Variants in DAB1 observed in about 807,000 individuals in gnomAD.
The protein encoded by DAB1 is disabled homolog 1.
DAB1 carries 15 observed loss-of-function variants against 64.6 expected under a neutral mutation model. The observed-to-expected ratio is 0.23, with a 90% confidence interval of 0.16 to 0.36. The LOEUF is 0.36. Among genes scored for constraint, DAB1 ranks in the 10% least tolerant of loss-of-function variants. DAB1 has a pLI of 1.00. For missense variants in DAB1, 596 were observed against 706.7 expected (o/e 0.84, Z 1.78); for synonymous variants, 235 against 251.9 (o/e 0.93, Z 0.64).
chr1:58,473,229 G>C (rs1240712230), intron 3 of DAB1, among the ~76,000 whole-genome samples: 1 of 152,062 alleles, frequency 6.6e-6, no homozygotes, highest in Admixed American at 6.6e-5. Flanking sequence ...AGACTCTCTG[G>C]GCTCAATTTC....
At chr1:57,705,622 A>T (rs1646957821) in intron 6 of DAB1, among the ~76,000 whole-genome samples, 1 of 152,098 alleles carries the variant, frequency 6.6e-6, no homozygotes, top group East Asian at 1.9e-4. Context: ...AGCTCTCCCT[A>T]CCCCTAAGCA....
chr1:57,425,888 T>C (rs1016056105), upstream of DAB1, among the ~76,000 whole-genome samples: 2 of 152,136 alleles, frequency 1.3e-5, no homozygotes, highest in African/African-American at 4.8e-5. Context: ...GTGTAGGAAG[T>C]TCAGGCTTAC....
At chr1:57,797,068 G>C (rs1207577531) in intron 6 of DAB1, among the ~76,000 whole-genome samples, 1 of 152,164 alleles carries the variant, frequency 6.6e-6, no homozygotes, top group Non-Finnish European at 1.5e-5. Flanking sequence ...AGGAATGAAT[G>C]AAAATAAAAA....
At chr1:58,354,863 G>A (rs1644095225) in intron 3 of DAB1, among the ~76,000 whole-genome samples, 1 of 152,106 alleles carries the variant, frequency 6.6e-6, no homozygotes, top group Admixed American at 6.6e-5. Flanking sequence ...AGAAAACCAA[G>A]GCTCATAAAC....
At chr1:57,562,691 C>G (rs1345677345) in intron 7 of DAB1, among the ~76,000 whole-genome samples, 1 of 152,218 alleles carries the variant, frequency 6.6e-6, no homozygotes, top group Non-Finnish European at 1.5e-5. Context: ...TAGTGATCCA[C>G]TAGCAAAATT....
intron 6 of DAB1, among the ~76,000 whole-genome samples, chr1:57,733,930 T>C (rs894051238): frequency 2.0e-5 from 3 of 152,014 alleles, no homozygotes; most frequent in South Asian, 4.2e-4. Flanking sequence ...GAAATTATCT[T>C]AGGAGTTCAG....
intron 3 of DAB1, among the ~76,000 whole-genome samples, chr1:58,375,971 G>T (rs1427638906): frequency 2.0e-5 from 3 of 148,708 alleles, no homozygotes; most frequent in Admixed American, 1.3e-4. Flanking sequence ...TATTTGCGTA[G>T]AGGTGTTTGC....
intron 6 of DAB1, among the ~76,000 whole-genome samples, chr1:57,705,081 ACCTTTATATTAC>A (rs1440876017): frequency 3.3e-5 from 5 of 152,154 alleles, no homozygotes; most frequent in Non-Finnish European, 7.3e-5. Context: ...GCAGCCCATC[ACCTTTATATTAC>A]CCATAGTCCT....
intron 3 of DAB1, among the ~76,000 whole-genome samples, chr1:58,476,872 G>A (rs528870050): frequency 6.6e-6 from 1 of 152,214 alleles, no homozygotes. Flanking sequence ...GTAAGTGGCA[G>A]TACATGGAGG....
At chr1:57,663,022 T>A (rs927906678) in intron 6 of DAB1, among the ~76,000 whole-genome samples, 1 of 152,190 alleles carries the variant, frequency 6.6e-6, no homozygotes, top group Non-Finnish European at 1.5e-5. Context: ...CACATTGCTA[T>A]AAAGAACTAT....
At chr1:58,054,169 G>C (rs191408106) in intron 5 of DAB1, among the ~76,000 whole-genome samples, 77 of 152,322 alleles carry the variant, frequency 5.1e-4, no homozygotes, top group African/African-American at 1.8e-3. Context: ...GAGTTTCCTA[G>C]GATGAGAAGT....
intron 5 of DAB1, among the ~76,000 whole-genome samples, chr1:58,027,118 A>G (rs1326496497): frequency 6.6e-6 from 1 of 152,256 alleles, no homozygotes; most frequent in Admixed American, 6.5e-5. Flanking sequence ...ATAATAAAGT[A>G]CAGAGCTGGG....
At chr1:57,641,888 G>A (rs187083316) in intron 7 of DAB1, among the ~76,000 whole-genome samples, 12 of 152,140 alleles carry the variant, frequency 7.9e-5, no homozygotes, top group Admixed American at 4.6e-4. Flanking sequence ...TACAGGCTCC[G>A]AGATTTAGGG....
intron 2 of DAB1, among the ~76,000 whole-genome samples, chr1:57,275,877 T>C (rs1313329881): frequency 6.6e-6 from 1 of 152,070 alleles, no homozygotes; most frequent in Non-Finnish European, 1.5e-5. Context: ...AAAATAGAAA[T>C]GAACCAACAA....
chr1:58,507,676 T>C (rs1055833033), intron 2 of DAB1, among the ~76,000 whole-genome samples: 3 of 152,058 alleles, frequency 2.0e-5, no homozygotes, highest in African/African-American at 7.2e-5. Flanking sequence ...CATATCTATA[T>C]ATGCAAGATG....
intron 1 of DAB1, among the ~76,000 whole-genome samples, chr1:57,840,667 G>A (rs547565932): frequency 5.1e-4 from 77 of 152,220 alleles, no homozygotes; most frequent in Admixed American, 9.8e-4. Context: ...ATGGCAGCAG[G>A]AGAGAGAGTG....
chr1:57,026,053 CA>C lies in DAB1; in HGVS notation c.724-11del. The C allele has an allele frequency of 1.9e-6, 3 of 1,600,840 alleles. No homozygotes were observed. The highest frequency in any genetic ancestry group is 1.7e-5 in the Admixed American group (1 of 57,940). On this transcript the variant is annotated splice_polypyrimidine_tract_variant and intron_variant, in intron 9 of 14. Coordinates refer to ENST00000371236, the MANE Select transcript of DAB1 (RefSeq NM_001365792.1). ...CTAATTGGGTCACAGCCTGTAAAGACAAAAAGGTAATCATGTGACTACAAAG... is the reference window on the plus strand; with the variant it reads ...CTAATTGGGTCACAGCCTGTAAAGACAAAAGGTAATCATGTGACTACAAAG...
intron 6 of DAB1, among the ~76,000 whole-genome samples, chr1:57,670,617 G>C (rs1273935049): frequency 6.6e-6 from 1 of 152,134 alleles, no homozygotes; most frequent in East Asian, 1.9e-4. Flanking sequence ...CTGTTGGAAA[G>C]ATGAAGAAAA....
At chr1:58,228,920 G>A (rs890682415) in intron 4 of DAB1, 8 of 500,052 alleles carry the variant, frequency 1.6e-5, no homozygotes, top group Admixed American at 2.4e-5. Flanking sequence ...TGTAGAAAAT[G>A]CAATCAAATA....
Sources: gnomAD v4.1 joint callset for allele counts (sites outside exome capture counted in the v4.1 genomes callset) on GRCh38, gnomAD v4.1.1 for gene constraint, MANE v1.5 for transcripts, NCBI Gene and HGNC (gene_info 2026-07-23, HGNC 2026-07-21) for gene names.